The following EVL variants were observed in gnomAD, a reference collection of about 807,000 sequenced individuals.
EVL encodes ena/VASP-like protein.
EVL carries 21 observed loss-of-function variants against 59.6 expected under a neutral mutation model. The ratio of observed to expected loss-of-function variants is 0.35; its 90% CI spans 0.25 to 0.51. The LOEUF (loss-of-function observed/expected upper bound fraction) is 0.51. Among genes scored for constraint, EVL ranks in the 20% least tolerant of loss-of-function variants. The pLI, the probability that EVL is intolerant of heterozygous loss-of-function variation, is 0.97. For missense variants in EVL, 462 were observed against 546.6 expected, an observed-to-expected ratio of 0.85 and a Z score of 1.54; for synonymous variants, 198 against 203.5, an observed-to-expected ratio of 0.97 and a Z score of 0.23.
chr14:100,131,093 G>A (rs896502978), intron 7 of EVL, among the ~76,000 whole-genome samples: 7 of 152,232 alleles, frequency 4.6e-5, no homozygotes, highest in African/African-American at 1.7e-4. Context: ...GGAGGAAATG[G>A]ACCAAAAGTC....
intron 1 of EVL, among the ~76,000 whole-genome samples, chr14:100,078,278 T>G (rs1022793781): frequency 1.3e-5 from 2 of 152,240 alleles, no homozygotes; most frequent in Middle Eastern, 3.4e-3. Flanking sequence ...GACCCGGGAT[T>G]AAAAACACTT....
intron 2 of EVL, among the ~76,000 whole-genome samples, chr14:100,093,599 C>T (rs541555386): frequency 2.8e-4 from 43 of 152,282 alleles, no homozygotes; most frequent in Non-Finnish European, 3.7e-4. Context: ...CTTCAATCAG[C>T]GACCAAGCAT....
At chr14:100,124,914 CA>C (rs1226737333) in intron 4 of EVL, among the ~76,000 whole-genome samples, 2 of 152,088 alleles carry the variant, frequency 1.3e-5, no homozygotes, top group Admixed American at 1.3e-4. Flanking sequence ...ACACTTGTCC[CA>C]AGGCAGGACC....
intron 1 of EVL, among the ~76,000 whole-genome samples, chr14:100,047,962 A>G (rs1280456154): frequency 6.6e-6 from 1 of 152,252 alleles, no homozygotes; most frequent in Non-Finnish European, 1.5e-5. Context: ...ATGTTATACA[A>G]AAGTTACTTC....
At chr14:100,040,367 C>T (rs531508852) in intron 1 of EVL, among the ~76,000 whole-genome samples, 4 of 152,294 alleles carry the variant, frequency 2.6e-5, no homozygotes, top group South Asian at 2.1e-4. Context: ...ATTAGCCTCC[C>T]GTCTAGTCTA....
chr14:100,047,463 T>C lies in EVL; in HGVS notation c.6-37224T>C, dbSNP rs181669049. The stretch of plus-strand genomic sequence containing the variant: ...GAAGGATCCGTTCTTTCCACTGAGC[T>C]CCGTTGCACAGGTCCAGAGCCAGAG... On this transcript the variant is annotated intron_variant, in intron 1 of 13. Coordinates refer to the EVL transcript ENST00000402714. Among the ~76,000 whole-genome samples the C allele has an allele frequency of 3.9e-5, 6 of 152,192 alleles. No homozygotes were observed. The East Asian group carries it at 9.7e-4, about 25-fold the overall frequency.
Position 100,128,632 on chromosome 14 carries a change from C to T in EVL, c.601C>T (p.Pro201Ser). Reference protein sequence around the residue: ...PVPPPPTGATPPPPPPLPAGG... With the variant: ...PVPPPPTGATSPPPPPLPAGG... Reference sequence around the variant, plus strand: ...CCCACCTCCACCCACTGGGGCTACCCCACCTCCCCCACCCCCACTGCCAGC... The same window carrying T: ...CCCACCTCCACCCACTGGGGCTACCTCACCTCCCCCACCCCCACTGCCAGC... The change falls in exon 6 of 14, where the codon CCA (proline) becomes TCA (serine). Residue 201 changes from proline (P) to serine (S), a missense_variant. Pro to Ser is a moderately conservative substitution (Grantham distance 74). Coordinates refer to ENST00000392920, the MANE Select transcript of EVL (RefSeq NM_016337.3). 1 of 1,542,036 alleles carries T rather than the reference C, an allele frequency of 6.5e-7. No individual in the cohort carries two copies. Among genetic ancestry groups the T allele is most frequent in the Non-Finnish European group, 8.8e-7 (1 of 1,138,518 alleles).
Position 100,130,065 on chromosome 14 carries a change from A to G in EVL, c.839+381A>G, listed in dbSNP as rs766872192. 1.2e-4 allele frequency among the ~76,000 whole-genome samples: 18 copies of G among 152,208 alleles called. No homozygotes were observed. The highest frequency in any genetic ancestry group is 2.2e-4 in the Non-Finnish European group (15 of 68,050). On this transcript the variant is annotated intron_variant, in intron 7 of 13. Transcript: ENST00000392920. The surrounding 1 kb of genome is among the most constrained non-coding windows in gnomAD (Gnocchi z 4.8). ...CGCAGTGGTCGAGTTTGCAGAGGAC[A>G]CTCTGGTGAATGTGTGGTGAAGGCA... is the stretch of plus-strand genomic sequence containing the variant.
intron 1 of EVL, among the ~76,000 whole-genome samples, chr14:100,028,134 GTTTT>G (rs137903594): frequency 2.5e-5 from 3 of 118,738 alleles, no homozygotes; most frequent in Non-Finnish European, 5.1e-5. Flanking sequence ...TTGTTTGTTT[GTTTT>G]TTTTTTTTTT....
chr14:100,111,910 T>C (rs1887019803), intron 3 of EVL, among the ~76,000 whole-genome samples: 1 of 152,202 alleles, frequency 6.6e-6, no homozygotes, highest in Non-Finnish European at 1.5e-5. Context: ...AGACTGCCTC[T>C]CAAAAGACCC....
chr14:99,982,583 C>CG (rs561779902), intron 1 of EVL, among the ~76,000 whole-genome samples: 22 of 151,992 alleles, frequency 1.4e-4, no homozygotes, highest in South Asian at 8.3e-4. Flanking sequence ...AGAGGGAGAG[C>CG]GGGGGGAAAA....
chr14:100,043,658 G>A (rs1211466951), intron 1 of EVL, among the ~76,000 whole-genome samples: 1 of 149,800 alleles, frequency 6.7e-6, no homozygotes, highest in Non-Finnish European at 1.5e-5. Context: ...TGTTGCCTAG[G>A]CTGGAGTACA....
intron 1 of EVL, among the ~76,000 whole-genome samples, chr14:99,983,624 G>A (rs1036739955): frequency 1.3e-5 from 2 of 152,144 alleles, no homozygotes; most frequent in Admixed American, 6.5e-5. Flanking sequence ...CTGCTGCTCT[G>A]CTGCTTTTGT....
intron 1 of EVL, among the ~76,000 whole-genome samples, chr14:100,076,016 A>G (rs927415416): frequency 3.9e-5 from 6 of 152,340 alleles, no homozygotes; most frequent in Middle Eastern, 3.4e-3. Context: ...ATGAATGGGA[A>G]TGGGTGGATA....
At chr14:100,133,842 CAGG>C (rs1343158009) in intron 8 of EVL, among the ~76,000 whole-genome samples, 2 of 152,198 alleles carry the variant, frequency 1.3e-5, no homozygotes, top group Non-Finnish European at 2.9e-5. Context: ...GAGGCTGAGG[CAGG>C]AGAATTGCTT....
intron 1 of EVL, among the ~76,000 whole-genome samples, chr14:100,069,721 C>A (rs529699485): frequency 2.0e-5 from 3 of 152,166 alleles, no homozygotes; most frequent in East Asian, 3.9e-4. Flanking sequence ...GAGAATGTTA[C>A]GATACTCAGG....
At chr14:100,070,736 A>T (rs1438004660) in intron 1 of EVL, among the ~76,000 whole-genome samples, 3 of 152,196 alleles carry the variant, frequency 2.0e-5, no homozygotes, top group African/African-American at 4.8e-5. Flanking sequence ...TCATCCTTGG[A>T]GCTGAACATA....
rs901413373 is a variant in EVL at position 99,972,479 on chromosome 14, G to T, written c.5+422G>T. On this transcript the variant is annotated intron_variant, in intron 1 of 13. Transcript: ENST00000402714. This position sits in a 1 kb window ranked among gnomAD's most constrained non-coding sequence, Gnocchi z 4.4. The stretch of plus-strand genomic sequence containing the variant: ...CCAGCCCGGAGGAGGCTGGCCTGAA[G>T]CCCCCAGGCGTTGCCGAAGCCTCCC... Among the ~76,000 whole-genome samples, 2 of 152,160 alleles carry T rather than the reference G, an allele frequency of 1.3e-5. No homozygotes were observed. Among genetic ancestry groups the T allele is most frequent in the South Asian group, 4.1e-4 (2 of 4,830 alleles).
intron 4 of EVL, among the ~76,000 whole-genome samples, chr14:100,125,580 G>A (rs1270045894): frequency 6.6e-6 from 1 of 151,036 alleles, no homozygotes; most frequent in African/African-American, 2.4e-5. Flanking sequence ...TTTTGAGATG[G>A]AGTCTTGCTC....
Sources: allele counts gnomAD v4.1 joint callset (sites outside exome capture counted in the v4.1 genomes callset), GRCh38; gene constraint gnomAD v4.1.1; non-coding constraint Gnocchi (gnomAD v3.1); transcripts MANE v1.5; gene names NCBI Gene and HGNC (gene_info 2026-07-23, HGNC 2026-07-21).